The following MYO1B variants were observed in gnomAD, a reference collection of about 807,000 sequenced individuals.
The protein encoded by MYO1B is unconventional myosin-Ib.
MYO1B carries 72 observed loss-of-function variants against 159.7 expected under a neutral mutation model. That is an observed-to-expected ratio of 0.45 (90% CI 0.37 to 0.55). The LOEUF (loss-of-function observed/expected upper bound fraction) is 0.55, where lower values mean the gene tolerates loss of function less well. Among genes scored for constraint, MYO1B ranks in the 20% least tolerant of loss-of-function variants. The probability of loss-of-function intolerance (pLI) is 0.00; values close to 1 mark genes in which losing one functional copy is unlikely to be tolerated. For synonymous variants in MYO1B, 468 were observed against 473.8 expected (o/e 0.99, Z 0.16); for missense variants, 1,062 against 1,364.8 (o/e 0.78, Z 3.50).
chr2:191,314,114 T>A (rs927243756), intron 3 of MYO1B, among the ~76,000 whole-genome samples: 3 of 152,228 alleles, frequency 2.0e-5, no homozygotes, highest in African/African-American at 7.2e-5. Context: ...TAATTTAGAA[T>A]GAAAGACCTC....
rs190674665 is a variant in MYO1B, at chr2:191,353,911, A to G, written c.562+3686A>G. 3.8e-4 allele frequency among the ~76,000 whole-genome samples: 58 copies of G among 152,312 alleles called. No individual in the cohort carries two copies. The East Asian group carries it at 9.6e-3, about 25-fold the overall frequency. On this transcript the variant is annotated intron_variant, in intron 7 of 30. Transcript: ENST00000392318. ...TAGCCTTTCACCAAATACATGCTCT[A>G]TAAGGATAGAGCCTTAGTCTGGTTC...
intron 21 of MYO1B, among the ~76,000 whole-genome samples, chr2:191,397,105 A>T (rs1464699955): frequency 1.4e-5 from 2 of 146,142 alleles, no homozygotes; most frequent in Admixed American, 6.7e-5. Context: ...CGTTGTTTTT[A>T]AAAAAGCAAA....
At chr2:191,261,456 C>G (rs199590621) in intron 1 of MYO1B, among the ~76,000 whole-genome samples, 2 of 152,132 alleles carry the variant, frequency 1.3e-5, no homozygotes, top group Non-Finnish European at 2.9e-5. Context: ...ATGTAAAACT[C>G]GATAATCGTA....
intron 4 of MYO1B, among the ~76,000 whole-genome samples, chr2:191,331,408 G>A (rs1691465053): frequency 6.6e-6 from 1 of 152,140 alleles, no homozygotes; most frequent in Non-Finnish European, 1.5e-5. Context: ...TACAGGTTCA[G>A]CTAACAAAAT....
intron 1 of MYO1B, among the ~76,000 whole-genome samples, chr2:191,265,430 TG>T (rs994370551): frequency 3.7e-4 from 57 of 152,302 alleles, no homozygotes; most frequent in African/African-American, 1.3e-3. Flanking sequence ...CTACAAGTGG[TG>T]TAAGACTTTG....
chr2:191,386,247 A>G (rs1243112843), intron 16 of MYO1B, among the ~76,000 whole-genome samples, 163 bp downstream of exon 16: 1 of 152,252 alleles, frequency 6.6e-6, no homozygotes, highest in Non-Finnish European at 1.5e-5. Flanking sequence ...AATCTGGACC[A>G]TGTTGACTAA....
chr2:191,420,363 C>T (rs1697862641), intron 30 of MYO1B, among the ~76,000 whole-genome samples: 1 of 152,202 alleles, frequency 6.6e-6, no homozygotes, highest in Non-Finnish European at 1.5e-5. Context: ...ACTAACAACT[C>T]ACTCACTGAC....
chr2:191,364,543 G>A (rs1693877406), intron 11 of MYO1B, among the ~76,000 whole-genome samples: 1 of 152,218 alleles, frequency 6.6e-6, no homozygotes, highest in Non-Finnish European at 1.5e-5. Flanking sequence ...AGTGAACTGA[G>A]AGCAACAGTA....
intron 17 of MYO1B, 90 bp downstream of exon 17, chr2:191,387,540 C>T: frequency 1.7e-6 from 2 of 1,169,342 alleles, no homozygotes; most frequent in Non-Finnish European, 2.5e-6. Context: ...CTGAGTGTAG[C>T]CCAAGCAGAG....
At chr2:191,304,462 C>T (rs888181717) in intron 3 of MYO1B, among the ~76,000 whole-genome samples, 33 of 151,920 alleles carry the variant, frequency 2.2e-4, no homozygotes, top group African/African-American at 7.7e-4. Flanking sequence ...CCCAGCTACT[C>T]GGGGGGCTGA....
chr2:191,293,494 C>A (rs920601436), intron 2 of MYO1B, among the ~76,000 whole-genome samples: 1 of 152,164 alleles, frequency 6.6e-6, no homozygotes, highest in African/African-American at 2.4e-5. Context: ...ATGGCTACTC[C>A]ATATGCAGAT....
intron 1 of MYO1B, among the ~76,000 whole-genome samples, chr2:191,260,197 A>G (rs1298676118): frequency 7.4e-6 from 1 of 134,712 alleles, no homozygotes; most frequent in African/African-American, 2.5e-5. Flanking sequence ...CTATCCCTGT[A>G]GAGCCTGGGG....
rs1049455266 is a variant in MYO1B at position 191,276,984 on chromosome 2, C to A, written c.89C>A (p.Thr30Asn). ...CTTTTAGAACCTCTCAATGAGGAGA[C>A]CTTCATCAACAACCTCAAGAAGCGC... ...MVLLEPLNEETFINNLKKRFD... is the reference protein window; with the variant it reads ...MVLLEPLNEENFINNLKKRFD... Residue 30 changes from threonine to asparagine, a missense_variant, in exon 2 of 31, where the codon ACC (threonine) becomes AAC (asparagine). Physicochemically the swap from Thr to Asn is moderately conservative, Grantham distance 65. Coordinates refer to ENST00000392318, the MANE Select transcript of MYO1B (RefSeq NM_001130158.3). The A allele has an allele frequency of 5.0e-6, 8 of 1,613,740 alleles. No individual in the cohort carries two copies. Among genetic ancestry groups the A allele is most frequent in the African/African-American group, 2.7e-5 (2 of 74,850 alleles).
chr2:191,393,404 A>T (rs886174317), intron 20 of MYO1B, among the ~76,000 whole-genome samples, 182 bp downstream of exon 20: 1 of 152,204 alleles, frequency 6.6e-6, no homozygotes, highest in African/African-American at 2.4e-5. Context: ...GCTGTTAAGT[A>T]ATTTGCCCAC....
At chr2:191,296,367 TTTAA>T (rs566636802) in intron 3 of MYO1B, 141 bp downstream of exon 3, 55 of 317,614 alleles carry the variant, frequency 1.7e-4, no homozygotes, top group Admixed American at 1.2e-3. Flanking sequence ...GTATGAAGAC[TTTAA>T]TTGTTATTAT....
At chr2:191,364,096 A>G in intron 10 of MYO1B, 62 bp from the exon 11 acceptor site, 1 of 1,409,442 alleles carries the variant, frequency 7.1e-7, no homozygotes, top group Non-Finnish European at 1.0e-6. Context: ...CTAAGCCTTC[A>G]AAATTATTAT....
chr2:191,268,666 T>G (rs1179046165), intron 1 of MYO1B, among the ~76,000 whole-genome samples: 1 of 152,218 alleles, frequency 6.6e-6, no homozygotes, highest in East Asian at 1.9e-4. Flanking sequence ...TCTGTCACCA[T>G]GCTTCATTCT....
chr2:191,342,606 G>A (rs1692291349), intron 5 of MYO1B, among the ~76,000 whole-genome samples: 1 of 152,180 alleles, frequency 6.6e-6, no homozygotes. Flanking sequence ...CAGCTCTTTG[G>A]GAGGCCAAGG....
chr2:191,375,196 T>C (rs192328836), intron 13 of MYO1B, among the ~76,000 whole-genome samples: 10 of 152,254 alleles, frequency 6.6e-5, no homozygotes, highest in Admixed American at 2.0e-4. Context: ...CCATATATGG[T>C]AAGAGTATGA....
Sources: allele counts gnomAD v4.1 joint callset (sites outside exome capture counted in the v4.1 genomes callset), GRCh38; gene constraint gnomAD v4.1.1; transcripts MANE v1.5; gene names NCBI Gene and HGNC (gene_info 2026-07-23, HGNC 2026-07-21).